The following G3BP1 variants were observed in gnomAD, a reference collection of about 807,000 sequenced individuals.
G3BP1 encodes G3BP stress granule assembly factor 1.
G3BP1 carries 35 observed loss-of-function variants against 58.6 expected under a neutral mutation model. The ratio of observed to expected loss-of-function variants is 0.60; its 90% CI spans 0.46 to 0.79. The LOEUF (loss-of-function observed/expected upper bound fraction) is 0.79, where lower values mean the gene tolerates loss of function less well. Ranked by LOEUF, G3BP1 falls within the 30% of genes least tolerant of loss-of-function variation. The probability of loss-of-function intolerance (pLI) is 0.00; values close to 1 mark genes in which losing one functional copy is unlikely to be tolerated. For missense variants in G3BP1, 523 were observed against 580.8 expected (o/e 0.90, Z 1.02); for synonymous variants, 191 against 195.4 (o/e 0.98, Z 0.19).
At chr5:151,783,439 GCT>G (rs1762505775) in intron 1 of G3BP1, among the ~76,000 whole-genome samples, 1 of 147,434 alleles carries the variant, frequency 6.8e-6, no homozygotes, top group Non-Finnish European at 1.5e-5. Context: ...GCAGAGTCTT[GCT>G]CTGTCACCCA....
chr5:151,808,799 T>C lies in G3BP1; in HGVS notation c.*4708T>C, dbSNP rs557035610. 2.0e-5 allele frequency: 3 copies of C among 152,318 alleles called. No homozygotes were observed. The highest frequency in any genetic ancestry group is 4.8e-5 in the African/African-American group (2 of 41,568). 9.4% of individuals were successfully genotyped at this position (152,318 alleles called of 1,614,324 possible). A position where few individuals can be genotyped will look rare whatever the true frequency, so the allele number is the denominator to read the frequency against. Reference sequence around the variant, plus strand: ...TCAGAAGCCCACTTTTGGGGAAGGTTGCCTATATTTTTGATAGTAATTAGA... The same window carrying C: ...TCAGAAGCCCACTTTTGGGGAAGGTCGCCTATATTTTTGATAGTAATTAGA... On this transcript the variant is annotated 3_prime_UTR_variant, in exon 12 of 12. Coordinates refer to ENST00000356245, the MANE Select transcript of G3BP1 (RefSeq NM_005754.3).
At chr5:151,801,559 G>A (rs1232439759) in intron 11 of G3BP1, among the ~76,000 whole-genome samples, 1 of 152,120 alleles carries the variant, frequency 6.6e-6, no homozygotes, top group Non-Finnish European at 1.5e-5. Context: ...ATTTAAAAAT[G>A]TACAACTTAA....
At chr5:151,790,251 G>A (rs2113233508) in intron 2 of G3BP1, 72 bp from the exon 3 acceptor site, 1 of 683,616 alleles carries the variant, frequency 1.5e-6, no homozygotes. Context: ...AAAAAAGTTT[G>A]CCAGTATCAG....
chr5:151,786,754 T>C (rs756186701), intron 2 of G3BP1, 39 bp downstream of exon 2: 2 of 1,155,962 alleles, frequency 1.7e-6, no homozygotes, highest in Non-Finnish European at 2.6e-6. Flanking sequence ...ATGCTGTCTT[T>C]TAGTATGTGG....
chr5:151,797,394 C>T lies in G3BP1; in HGVS notation c.707C>T (p.Ala236Val). The change falls in exon 7 of 12, where the codon GCA (alanine) becomes GTA (valine). Residue 236 changes from alanine to valine, a missense_variant. Ala to Val is a moderately conservative substitution (Grantham distance 64). This residue lies in a region of G3BP1 where 398 missense variants were observed against 399.1 expected (regional missense o/e 1.00). Transcript: ENST00000356245. ...CAGAAGAGTTCTTCTCCAGCACCTG[C>T]AGACATAGCTCAGACAGTACAGGAA... ...DAQKSSSPAP[A>V]DIAQTVQEDL... The T allele has an allele frequency of 6.2e-7, 1 of 1,612,142 alleles. No individual in the cohort carries two copies. The highest frequency in any genetic ancestry group is 8.5e-7 in the Non-Finnish European group (1 of 1,178,258).
In G3BP1 at chr5:151,808,453, G is replaced by A. The variant is rs1212640828; in HGVS notation, c.*4362G>A. On this transcript the variant is annotated 3_prime_UTR_variant, in exon 12 of 12. Coordinates refer to ENST00000356245, the MANE Select transcript of G3BP1 (RefSeq NM_005754.3). ...TTTGATTATGCATATGTGTTGGCTT[G>A]CAATTAGGTTTTTAGTTTCTGTTTA... The A allele has an allele frequency of 2.0e-5, 3 of 152,152 alleles. No individual in the cohort carries two copies. The highest frequency in any genetic ancestry group is 2.9e-5 in the Non-Finnish European group (2 of 68,016). 9.4% of individuals were successfully genotyped at this position (152,152 alleles called of 1,614,324 possible). A position where few individuals can be genotyped will look rare whatever the true frequency, so the allele number is the denominator to read the frequency against.
rs760720596 is a variant in G3BP1 at position 151,800,313 on chromosome 5, G to A, written c.1051G>A (p.Val351Met). The change falls in exon 10 of 12, where the codon GTG becomes ATG. Residue 351 changes from valine to methionine, a missense_variant. Val to Met is a conservative substitution (Grantham distance 21). This residue lies in a region of G3BP1 where 125 missense variants were observed against 181.7 expected (regional missense o/e 0.69). Coordinates refer to ENST00000356245, the MANE Select transcript of G3BP1 (RefSeq NM_005754.3). ...QLFIGNLPHE[V>M]DKSELKDFFQ... ...CTTCATTGGCAACCTGCCTCATGAA[G>A]TGGACAAATCAGAGCTTAAAGATTT... The A allele has an allele frequency of 6.2e-7, 1 of 1,613,344 alleles. No homozygotes were observed. The highest frequency in any genetic ancestry group is 2.2e-5 in the East Asian group (1 of 44,870).
intron 11 of G3BP1, among the ~76,000 whole-genome samples, chr5:151,802,548 C>G (rs893020738): frequency 6.6e-6 from 1 of 152,144 alleles, no homozygotes; most frequent in Admixed American, 6.5e-5. Flanking sequence ...ACCCATGGGA[C>G]AAGTTACTTA....
At position 151,800,805 on chromosome 5, in the gene G3BP1, T is replaced by G; in HGVS notation, c.1130T>G (p.Leu377Ter). The G allele has an allele frequency of 6.2e-7, 1 of 1,613,484 alleles. No individual in the cohort carries two copies. The highest frequency in any genetic ancestry group is 8.5e-7 in the Non-Finnish European group (1 of 1,179,484). Residue 377 changes from leucine to a stop codon, truncating the protein, a stop_gained, in exon 11 of 12, where the codon TTA becomes TGA. Transcript: ENST00000356245. LOFTEE classifies it high-confidence loss of function. ...VELRINSGGK[L>*]PNFGFVVFDD... The stretch of plus-strand genomic sequence containing the variant: ...TTGCGCATTAACAGTGGTGGGAAAT[T>G]ACCCAATTTTGGTTTTGTTGTGTTT...
At chr5:151,778,471 C>T (rs1343888073) in intron 1 of G3BP1, among the ~76,000 whole-genome samples, 1 of 151,986 alleles carries the variant, frequency 6.6e-6, no homozygotes, top group Admixed American at 6.6e-5. Flanking sequence ...GACAGTGTTT[C>T]GCTCTTGTTG....
intron 1 of G3BP1, among the ~76,000 whole-genome samples, chr5:151,781,109 G>A (rs924377812): frequency 6.6e-6 from 1 of 152,014 alleles, no homozygotes; most frequent in African/African-American, 2.4e-5. Context: ...TAAGAAAAAG[G>A]TATTTCATGA....
rs762575206 is a variant in G3BP1 at position 151,790,417 on chromosome 5, A to G, written c.177+13A>G. ...CTACGGACAGAAAGTAAGCATTTCA[A>G]GCCTTATTTAGGCTGTTAAGCAGGT... is the stretch of plus-strand genomic sequence containing the variant. On this transcript the variant is annotated intron_variant, in intron 3 of 11. Transcript: ENST00000356245. 3.3e-5 allele frequency: 48 copies of G among 1,472,262 alleles called. 1 individual carries two copies. The South Asian group carries it at 3.5e-4, about 11-fold the overall frequency. The allele number at this position is 1,472,262 out of a possible 1,614,324, so 91.2% of individuals were successfully genotyped here.
intron 11 of G3BP1, among the ~76,000 whole-genome samples, chr5:151,801,852 C>T (rs573140045): frequency 1.6e-4 from 24 of 151,564 alleles, no homozygotes; most frequent in African/African-American, 5.6e-4. Flanking sequence ...TCTCTCTCTG[C>T]CACCCAGGCT....
At chr5:151,795,404 G>A in intron 5 of G3BP1, 75 bp from the exon 6 acceptor site, 1 of 759,420 alleles carries the variant, frequency 1.3e-6, no homozygotes, top group Non-Finnish European at 2.3e-6. Context: ...CTGTTGTTTT[G>A]TGAACATTGC....
chr5:151,785,331 G>C (rs1762538862), intron 1 of G3BP1, among the ~76,000 whole-genome samples: 1 of 152,156 alleles, frequency 6.6e-6, no homozygotes, highest in Admixed American at 6.5e-5. Context: ...AATTGGGGTA[G>C]ATATTCAAGA....
chr5:151,796,298 T>C (rs1192552633), intron 6 of G3BP1, among the ~76,000 whole-genome samples: 2 of 152,226 alleles, frequency 1.3e-5, no homozygotes, highest in East Asian at 3.8e-4. Context: ...AGACAGAGTC[T>C]TGCTCTGTTA....
Position 151,810,249 on chromosome 5 carries a change from T to C in G3BP1, c.*6158T>C, listed in dbSNP as rs1259449212. 1 of 152,258 alleles carries C rather than the reference T, an allele frequency of 6.6e-6. No homozygotes were observed. Among genetic ancestry groups the C allele is most frequent in the African/African-American group, 2.4e-5 (1 of 41,474 alleles). 9.4% of individuals were successfully genotyped at this position (152,258 alleles called of 1,614,324 possible). A position where few individuals can be genotyped will look rare whatever the true frequency, so the allele number is the denominator to read the frequency against. On this transcript the variant is annotated 3_prime_UTR_variant, in exon 12 of 12. Transcript: ENST00000356245. The stretch of plus-strand genomic sequence containing the variant: ...CGATAAGCCAGGCATTGTGATTCCT[T>C]GGCTTCAAGTGCCTTCTGTCTTCCC...
At chr5:151,778,519 A>G (rs1432877450) in intron 1 of G3BP1, among the ~76,000 whole-genome samples, 1 of 151,958 alleles carries the variant, frequency 6.6e-6, no homozygotes, top group Non-Finnish European at 1.5e-5. Flanking sequence ...TCTGCTCACT[A>G]CAACCTCTGC....
At chr5:151,774,237 C>G (rs1288236592) in intron 1 of G3BP1, among the ~76,000 whole-genome samples, 1 of 152,138 alleles carries the variant, frequency 6.6e-6, no homozygotes, top group Non-Finnish European at 1.5e-5. Flanking sequence ...CTTTGTTTAA[C>G]TCAGTTTGCT....
Sources: gnomAD v4.1 joint callset for allele counts (sites outside exome capture counted in the v4.1 genomes callset) on GRCh38, gnomAD v4.1.1 for gene constraint, gnomAD v4.1.1 regional missense constraint, MANE v1.5 for transcripts, NCBI Gene and HGNC (gene_info 2026-07-23, HGNC 2026-07-21) for gene names.